The following FARS2 variants were observed in gnomAD, a reference collection of about 807,000 sequenced individuals.
The protein encoded by FARS2 is phenylalanyl-tRNA synthetase 2, mitochondrial.
FARS2 carries 40 observed loss-of-function variants against 46.4 expected under a neutral mutation model. The observed-to-expected ratio is 0.86, with a 90% CI of 0.67 to 1.12. The LOEUF is 1.12. Among genes scored for constraint, FARS2 ranks in the 50% most tolerant of loss-of-function variants. FARS2 has a pLI of 0.00. For synonymous variants in FARS2, 234 were observed against 214.9 expected (o/e 1.09, Z -0.78); for missense variants, 513 against 567.9 (o/e 0.90, Z 0.98).
At chr6:5,415,956 A>G (rs1028364471) in intron 3 of FARS2, among the ~76,000 whole-genome samples, 10 of 151,410 alleles carry the variant, frequency 6.6e-5, no homozygotes, top group Non-Finnish European at 1.2e-4. Context: ...GTCTGCCCAC[A>G]TTGGCCTCCC....
At chr6:5,287,817 A>G (rs1301382327) in intron 1 of FARS2, among the ~76,000 whole-genome samples, 1 of 151,506 alleles carries the variant, frequency 6.6e-6, no homozygotes, top group Non-Finnish European at 1.5e-5. Context: ...CTCCAGCCCC[A>G]TGTGGCTCCA....
chr6:5,648,265 A>G (rs1777173988), intron 6 of FARS2, among the ~76,000 whole-genome samples: 1 of 152,204 alleles, frequency 6.6e-6, no homozygotes, highest in African/African-American at 2.4e-5. Flanking sequence ...CCCATTTGCC[A>G]ACATCAGCAC....
chr6:5,398,020 G>A (rs974840361), intron 2 of FARS2, among the ~76,000 whole-genome samples: 1 of 152,156 alleles, frequency 6.6e-6, no homozygotes, highest in Non-Finnish European at 1.5e-5. Flanking sequence ...CCCTTAGTGA[G>A]TTCTATCATG....
chr6:5,738,690 G>A (rs1761103170), intron 6 of FARS2, among the ~76,000 whole-genome samples: 1 of 151,894 alleles, frequency 6.6e-6, no homozygotes, highest in South Asian at 2.1e-4. Context: ...GTAACAGCAA[G>A]AAGAGTTGGT....
At chr6:5,616,010 TAAAAAA>T (rs11327256) in intron 6 of FARS2, among the ~76,000 whole-genome samples, 1 of 95,830 alleles carries the variant, frequency 1.0e-5, no homozygotes, top group Admixed American at 1.2e-4. Flanking sequence ...CCATAGCTCT[TAAAAAA>T]AAAAAAAAAA....
rs1041699782 is a variant in FARS2, at chr6:5,672,103, G to A, written c.1217+58783G>A. ...GAGTAGATGAACACAGGAATCAGTC[G>A]GTAGCCGTGGGAACAGCAAAGCCCC... On this transcript the variant is annotated intron_variant, in intron 6 of 6. Coordinates refer to ENST00000274680, the MANE Select transcript of FARS2 (RefSeq NM_006567.5). 2.6e-5 allele frequency among the ~76,000 whole-genome samples: 4 copies of A among 152,198 alleles called. No homozygotes were observed. In the East Asian group the frequency reaches 7.7e-4, roughly 29 times the overall value.
At chr6:5,310,322 T>G (rs1216118315) in intron 1 of FARS2, among the ~76,000 whole-genome samples, 1 of 151,878 alleles carries the variant, frequency 6.6e-6, no homozygotes, top group African/African-American at 2.4e-5. Flanking sequence ...TTTGGAGTGG[T>G]GAAGGCCTTT....
At chr6:5,566,021 T>G (rs188250785) in intron 5 of FARS2, among the ~76,000 whole-genome samples, 1 of 152,312 alleles carries the variant, frequency 6.6e-6, no homozygotes, top group East Asian at 1.9e-4. Flanking sequence ...TTTACAAACC[T>G]TTCATAACCC....
intron 4 of FARS2, among the ~76,000 whole-genome samples, chr6:5,532,172 A>G (rs1010967367): frequency 3.1e-4 from 47 of 152,238 alleles, no homozygotes; most frequent in Non-Finnish European, 1.3e-4. Context: ...AGCAATGACA[A>G]CATAGAAAGC....
chr6:5,674,942 G>T (rs1582731895), intron 6 of FARS2, among the ~76,000 whole-genome samples: 1 of 152,088 alleles, frequency 6.6e-6, no homozygotes, highest in African/African-American at 2.4e-5. Flanking sequence ...CACAAGAAGT[G>T]GTCAGTGGCC....
intron 6 of FARS2, among the ~76,000 whole-genome samples, chr6:5,732,889 T>C (rs1469319667): frequency 6.6e-6 from 1 of 151,930 alleles, no homozygotes; most frequent in Non-Finnish European, 1.5e-5. Context: ...ACTTCCACAG[T>C]TGCTGAATTC....
chr6:5,400,490 A>G (rs1761191130), intron 2 of FARS2, among the ~76,000 whole-genome samples: 1 of 151,770 alleles, frequency 6.6e-6, no homozygotes, highest in Non-Finnish European at 1.5e-5. Flanking sequence ...CAGAGAGTAT[A>G]GTTTATTATT....
chr6:5,401,674 C>A (rs1468729501), intron 2 of FARS2, among the ~76,000 whole-genome samples: 2 of 152,204 alleles, frequency 1.3e-5, no homozygotes, highest in African/African-American at 2.4e-5. Flanking sequence ...TTCCTATGCT[C>A]TTGTGTGTTT....
chr6:5,646,083 A>C (rs4960120), intron 6 of FARS2, among the ~76,000 whole-genome samples: 101,523 of 151,908 alleles, frequency 0.67, 35,686 homozygotes, highest in East Asian at 0.99. Context: ...GTTTTCTTAG[A>C]ATAAGAAGCT....
intron 1 of FARS2, among the ~76,000 whole-genome samples, chr6:5,357,130 A>G (rs1393007928): frequency 6.6e-6 from 1 of 152,190 alleles, no homozygotes; most frequent in African/African-American, 2.4e-5. Context: ...TTTGATGTCC[A>G]TCTTTTCGAA....
At chr6:5,687,574 C>T (rs1163129891) in intron 6 of FARS2, among the ~76,000 whole-genome samples, 1 of 152,154 alleles carries the variant, frequency 6.6e-6, no homozygotes, top group Non-Finnish European at 1.5e-5. Flanking sequence ...GTTTTGGTAC[C>T]AATACCATGC....
intron 5 of FARS2, among the ~76,000 whole-genome samples, chr6:5,553,595 A>T (rs1372660674): frequency 1.3e-5 from 2 of 150,854 alleles, no homozygotes; most frequent in East Asian, 1.9e-4. Flanking sequence ...AAGGATTTAA[A>T]TTTTTTTTTT....
At chr6:5,369,307 C>A in intron 2 of FARS2, 125 bp downstream of exon 2, 1 of 924,322 alleles carries the variant, frequency 1.1e-6, no homozygotes, top group Non-Finnish European at 1.6e-6. Context: ...CTTAGTGAAT[C>A]ATCCATACTT....
chr6:5,549,588 C>A (rs1771250256), intron 5 of FARS2, among the ~76,000 whole-genome samples: 1 of 152,072 alleles, frequency 6.6e-6, no homozygotes, highest in Non-Finnish European at 1.5e-5. Flanking sequence ...TTATAAGGAT[C>A]CTTATGATTG....
Sources: gnomAD v4.1 joint callset for allele counts (sites outside exome capture counted in the v4.1 genomes callset) on GRCh38, gnomAD v4.1.1 for gene constraint, MANE v1.5 for transcripts, NCBI Gene and HGNC (gene_info 2026-07-23, HGNC 2026-07-21) for gene names.